The following USP34 variants were observed in gnomAD, a reference collection of about 807,000 sequenced individuals.
USP34 encodes ubiquitin carboxyl-terminal hydrolase 34.
Under a neutral mutation model 460.3 loss-of-function variants are expected in USP34, and 70 were observed. The observed-to-expected ratio is 0.15, with a 90% confidence interval of 0.13 to 0.19. The LOEUF is 0.19. Among genes scored for constraint, USP34 ranks in the 10% least tolerant of loss-of-function variants. The probability of loss-of-function intolerance (pLI) is 1.00; values close to 1 mark genes in which losing one functional copy is unlikely to be tolerated. For missense variants in USP34, 3,985 were observed against 4,236.2 expected (o/e 0.94, Z 1.65); for synonymous variants, 1,647 against 1,405.3 (o/e 1.17, Z -3.85).
intron 41 of USP34, among the ~76,000 whole-genome samples, chr2:61,271,489 G>A (rs897058185): frequency 3.9e-5 from 6 of 152,132 alleles, no homozygotes; most frequent in African/African-American, 1.4e-4. Flanking sequence ...GGTCTGAGTT[G>A]CAATCATCCA....
intron 1 of USP34, among the ~76,000 whole-genome samples, chr2:61,439,790 T>G (rs1449693841): frequency 6.6e-6 from 1 of 152,128 alleles, no homozygotes; most frequent in Admixed American, 6.5e-5. Flanking sequence ...GGAGACCTGC[T>G]CAGCCATACC....
chr2:61,468,277 C>T (rs531905103), intron 1 of USP34, among the ~76,000 whole-genome samples: 12 of 152,294 alleles, frequency 7.9e-5, no homozygotes, highest in Non-Finnish European at 1.6e-4. Flanking sequence ...CCTCCGCCTC[C>T]GGGTTCAAGC....
In USP34 at chr2:61,456,612, T is replaced by G. The variant is rs980369127; in HGVS notation, c.43+14038A>C. On this transcript the variant is annotated intron_variant, in intron 1 of 79. Transcript: ENST00000398571. ...TAGGGAGATCACTTGAGCCCAGGAG[T>G]TGGAGACCAGCCTGGGAAACATGGT... Among the ~76,000 whole-genome samples the G allele has an allele frequency of 2.0e-5, 3 of 151,618 alleles. No individual in the cohort carries two copies. The East Asian group carries it at 5.8e-4, about 29-fold the overall frequency.
At chr2:61,411,086 G>A (rs1694022887) in intron 2 of USP34, among the ~76,000 whole-genome samples, 1 of 152,142 alleles carries the variant, frequency 6.6e-6, no homozygotes, top group African/African-American at 2.4e-5. Context: ...AGATACCAAA[G>A]AAGGCAAGTG....
intron 67 of USP34, among the ~76,000 whole-genome samples, chr2:61,219,139 A>G (rs1407347048): frequency 6.6e-6 from 1 of 152,216 alleles, no homozygotes; most frequent in East Asian, 1.9e-4. Context: ...CCTTGGGGTT[A>G]TAATCCAGTG....
chr2:61,262,558 T>C (rs1366264044), intron 43 of USP34, among the ~76,000 whole-genome samples: 1 of 152,204 alleles, frequency 6.6e-6, no homozygotes, highest in African/African-American at 2.4e-5. Context: ...GCTGTATATG[T>C]ACCACATTTT....
chr2:61,310,497 T>C (rs568886954), intron 27 of USP34, among the ~76,000 whole-genome samples: 6 of 151,654 alleles, frequency 4.0e-5, no homozygotes, highest in South Asian at 2.1e-4. Flanking sequence ...ACAGTAAAAA[T>C]AGAATTCTAC....
chr2:61,300,258 G>A (rs999297338), intron 29 of USP34, among the ~76,000 whole-genome samples: 3 of 151,882 alleles, frequency 2.0e-5, no homozygotes, highest in African/African-American at 4.8e-5. Flanking sequence ...ACATTATTTC[G>A]CTCTGCCTAC....
At chr2:61,356,038 A>G (rs1007657914) in intron 10 of USP34, among the ~76,000 whole-genome samples, 6 of 152,228 alleles carry the variant, frequency 3.9e-5, no homozygotes, top group African/African-American at 1.4e-4. Context: ...TAATCCAGCA[A>G]TCTGACTCCT....
Position 61,355,947 on chromosome 2 carries a change from G to T in USP34, c.1252-5254C>A, listed in dbSNP as rs185346676. ...CGCAAATAGCAAGCAAAAGCTAGCTGGGTTGGCTATACTAACATCAAATAA... is the reference window on the plus strand; with the variant it reads ...CGCAAATAGCAAGCAAAAGCTAGCTTGGTTGGCTATACTAACATCAAATAA... On this transcript the variant is annotated intron_variant, in intron 10 of 79. Coordinates refer to ENST00000398571, the MANE Select transcript of USP34 (RefSeq NM_014709.4). 2.8e-4 allele frequency among the ~76,000 whole-genome samples: 42 copies of T among 152,270 alleles called. No individual in the cohort carries two copies. In the Middle Eastern group the frequency reaches 0.01, roughly 37 times the overall value.
intron 78 of USP34, chr2:61,190,010 C>T (rs777590): frequency 2.9e-6 from 1 of 341,326 alleles, no homozygotes; most frequent in Non-Finnish European, 5.2e-6. Flanking sequence ...ATATACCCAA[C>T]TAGAGATAAG....
chr2:61,362,813 GATT>G (rs1427523059), intron 10 of USP34, among the ~76,000 whole-genome samples: 1 of 152,126 alleles, frequency 6.6e-6, no homozygotes, highest in Non-Finnish European at 1.5e-5. Context: ...TGACTGTAGT[GATT>G]ATTTCACACT....
intron 1 of USP34, among the ~76,000 whole-genome samples, chr2:61,448,000 G>C (rs968107893): frequency 3.3e-5 from 5 of 152,214 alleles, no homozygotes; most frequent in African/African-American, 1.2e-4. Flanking sequence ...ACAGGCAAGA[G>C]CCAAGGATCT....
chr2:61,229,457 T>TAAA lies in USP34; in HGVS notation c.7199+88_7199+90dup, dbSNP rs57231258. 506 of 381,700 alleles carry TAAA rather than the reference T, an allele frequency of 1.3e-3. 8 individuals carry two copies. Among genetic ancestry groups the TAAA allele is most frequent in the South Asian group, 1.7e-3 (43 of 25,294 alleles). 23.6% of individuals were successfully genotyped at this position (381,700 alleles called of 1,614,324 possible). A position where few individuals can be genotyped will look rare whatever the true frequency, so the allele number is the denominator to read the frequency against. ...GGCAACATGAAGAAACCCTATCTCTTAAAAAAAAAAAAAAAAAACAAAAAA... is the reference window on the plus strand; with the variant it reads ...GGCAACATGAAGAAACCCTATCTCTTAAAAAAAAAAAAAAAAAAAAACAAAAAA... On this transcript the variant is annotated intron_variant, in intron 59 of 79. Transcript: ENST00000398571.
chr2:61,251,383 A>G (rs919549564), intron 48 of USP34, among the ~76,000 whole-genome samples: 4 of 152,240 alleles, frequency 2.6e-5, no homozygotes, highest in Non-Finnish European at 2.9e-5. Context: ...TTGTGGCCTT[A>G]TATTACACTA....
At chr2:61,416,160 T>C (rs991419059) in intron 2 of USP34, among the ~76,000 whole-genome samples, 2 of 152,234 alleles carry the variant, frequency 1.3e-5, no homozygotes, top group African/African-American at 4.8e-5. Flanking sequence ...CTTTAAACAC[T>C]GGTCAATATC....
chr2:61,325,976 A>C (rs1273470662), intron 20 of USP34, among the ~76,000 whole-genome samples: 1 of 152,198 alleles, frequency 6.6e-6, no homozygotes, highest in Non-Finnish European at 1.5e-5. Context: ...CACATGCATA[A>C]AATTTGATGC....
intron 3 of USP34, among the ~76,000 whole-genome samples, chr2:61,396,241 C>T (rs1287081119): frequency 1.3e-5 from 2 of 152,030 alleles, no homozygotes; most frequent in Non-Finnish European, 2.9e-5. Context: ...TTTCAACTGC[C>T]TAAAAGCACA....
intron 41 of USP34, among the ~76,000 whole-genome samples, chr2:61,268,758 T>C (rs1208494732): frequency 2.0e-5 from 3 of 152,016 alleles, no homozygotes; most frequent in Admixed American, 6.5e-5. Context: ...TATATAAAAA[T>C]AGAAAATAGG....
Sources: gnomAD v4.1 joint callset for allele counts (sites outside exome capture counted in the v4.1 genomes callset) on GRCh38, gnomAD v4.1.1 for gene constraint, MANE v1.5 for transcripts, NCBI Gene and HGNC (gene_info 2026-07-23, HGNC 2026-07-21) for gene names.